Variants in PPP6R3 observed in about 807,000 individuals in gnomAD.
PPP6R3 encodes the protein serine/threonine-protein phosphatase 6 regulatory subunit 3.
In PPP6R3, 38 loss-of-function variants were observed where a neutral mutation model predicts 110.7. The observed-to-expected ratio is 0.34, with a 90% CI of 0.26 to 0.45. The LOEUF is 0.45. PPP6R3 is among the 20% of genes least tolerant of loss of function. The pLI, the probability that PPP6R3 is intolerant of heterozygous loss-of-function variation, is 1.00. For synonymous variants in PPP6R3, 369 were observed against 373.5 expected (o/e 0.99, Z 0.14); for missense variants, 870 against 1,062.4 (o/e 0.82, Z 2.52).
chr11:68,602,147 CT>C (rs1227392051), intron 21 of PPP6R3, among the ~76,000 whole-genome samples, 178 bp downstream of exon 21: 1 of 152,192 alleles, frequency 6.6e-6, no homozygotes, highest in Non-Finnish European at 1.5e-5. Flanking sequence ...CATGCTGACT[CT>C]GGAAAGAGTA....
chr11:68,542,389 G>GGTTTTTTTTTGTTTTTTTTTTTTTTT (rs1555132283), intron 3 of PPP6R3, among the ~76,000 whole-genome samples: 1 of 40,188 alleles, frequency 2.5e-5, no homozygotes, highest in African/African-American at 1.0e-4. Flanking sequence ...AGAAGCTGCT[G>GGTTTTTTTTTGTTTTTTTTTTTTTTT]TTTTTTTTTT....
chr11:68,573,239 C>T (rs972081614), intron 12 of PPP6R3, among the ~76,000 whole-genome samples: 2 of 148,254 alleles, frequency 1.3e-5, no homozygotes, highest in African/African-American at 5.0e-5. Context: ...CAGTCTCTGC[C>T]TACCGGGTTC....
intron 8 of PPP6R3, among the ~76,000 whole-genome samples, chr11:68,561,464 G>A (rs112814881): frequency 6.6e-6 from 1 of 152,118 alleles, no homozygotes; most frequent in Non-Finnish European, 1.5e-5. Context: ...ACAGAGGGCC[G>A]ACTGCAAGTA....
intron 14 of PPP6R3, among the ~76,000 whole-genome samples, chr11:68,581,902 C>G (rs2099556090): frequency 6.6e-6 from 1 of 152,192 alleles, no homozygotes; most frequent in Non-Finnish European, 1.5e-5. Context: ...GTTATCACAG[C>G]TTAATTTCAT....
intron 3 of PPP6R3, among the ~76,000 whole-genome samples, chr11:68,540,481 C>G (rs1333089421): frequency 6.6e-6 from 1 of 152,166 alleles, no homozygotes; most frequent in Non-Finnish European, 1.5e-5. Flanking sequence ...AGGGCGAGAT[C>G]ACAGGACCGG....
intron 1 of PPP6R3, among the ~76,000 whole-genome samples, chr11:68,469,452 C>A (rs1170634699): frequency 6.6e-6 from 1 of 152,020 alleles, no homozygotes; most frequent in East Asian, 1.9e-4. Context: ...TCACTGCAGC[C>A]TTGACTGACC....
chr11:68,482,151 C>T (rs188499556), intron 1 of PPP6R3, among the ~76,000 whole-genome samples: 65 of 147,460 alleles, frequency 4.4e-4, no homozygotes, highest in African/African-American at 1.5e-3. Context: ...TTTGGGAGGC[C>T]GAGGCAAGCA....
At chr11:68,562,385 T>C (rs1233764914) in intron 8 of PPP6R3, among the ~76,000 whole-genome samples, 2 of 152,188 alleles carry the variant, frequency 1.3e-5, no homozygotes, top group Non-Finnish European at 2.9e-5. Flanking sequence ...GACCTGCAGA[T>C]TCAATGCAAT....
chr11:68,506,127 T>TGCATTA (rs1256487490), intron 1 of PPP6R3, among the ~76,000 whole-genome samples: 8 of 148,934 alleles, frequency 5.4e-5, no homozygotes, highest in East Asian at 2.1e-4. Flanking sequence ...TGCCATTACT[T>TGCATTA]TTAATTGCAA....
At chr11:68,533,030 A>C (rs1355608003) in intron 2 of PPP6R3, among the ~76,000 whole-genome samples, 26 of 152,370 alleles carry the variant, frequency 1.7e-4, no homozygotes, top group Non-Finnish European at 8.8e-5. Flanking sequence ...ATGTTTACTA[A>C]AAACAAGTTG....
rs1311990332 is a variant in PPP6R3 at position 68,519,564 on chromosome 11, A to T, written c.-94A>T. 2.5e-6 allele frequency: 1 copy of T among 398,434 alleles called. No homozygotes were observed. Among genetic ancestry groups the T allele is most frequent in the African/African-American group, 2.1e-5 (1 of 48,598 alleles). The allele number at this position is 398,434 out of a possible 1,614,324, so 24.7% of individuals were successfully genotyped here. A position where few individuals can be genotyped will look rare whatever the true frequency, so the allele number is the denominator to read the frequency against. ...CTAATCTGCTAATGCAGTAAATTGG[A>T]GGAAAACTGTTACCAGGATAACCTG... On this transcript the variant is annotated 5_prime_UTR_variant, in exon 2 of 24. Coordinates refer to ENST00000393800, the MANE Select transcript of PPP6R3 (RefSeq NM_001164161.2).
intron 22 of PPP6R3, 93 bp downstream of exon 22, chr11:68,603,585 A>G (rs772837502): frequency 1.3e-5 from 19 of 1,454,492 alleles, no homozygotes; most frequent in South Asian, 1.2e-4. Flanking sequence ...ATTTGATTCA[A>G]ATGAATGTTC....
chr11:68,540,775 T>G (rs2099310773), intron 3 of PPP6R3, among the ~76,000 whole-genome samples: 2 of 152,196 alleles, frequency 1.3e-5, no homozygotes, highest in Non-Finnish European at 2.9e-5. Flanking sequence ...TTGAGCGATA[T>G]TTCTCCCATT....
intron 1 of PPP6R3, among the ~76,000 whole-genome samples, chr11:68,517,454 C>G (rs542369542): frequency 1.3e-5 from 2 of 152,228 alleles, no homozygotes; most frequent in South Asian, 4.1e-4. Flanking sequence ...ACATCCCCCA[C>G]TAAAAGGAAC....
chr11:68,489,709 C>CT (rs561481278), intron 1 of PPP6R3, among the ~76,000 whole-genome samples: 2,864 of 141,030 alleles, frequency 0.02, 50 homozygotes, highest in Middle Eastern at 0.036. Flanking sequence ...AAAGTCTGTG[C>CT]TTTTTTTTTT....
At chr11:68,581,945 G>A (rs549137822) in intron 14 of PPP6R3, among the ~76,000 whole-genome samples, 1 of 152,304 alleles carries the variant, frequency 6.6e-6, no homozygotes, top group African/African-American at 2.4e-5. Context: ...AGATGGTTGG[G>A]GAAAGGAAGG....
chr11:68,491,328 C>CTGTG (rs60972668), intron 1 of PPP6R3, among the ~76,000 whole-genome samples: 4,385 of 123,476 alleles, frequency 0.036, 69 homozygotes, highest in Non-Finnish European at 0.04. Context: ...GTGTCTTCAG[C>CTGTG]TGTGTGTGTG....
intron 2 of PPP6R3, among the ~76,000 whole-genome samples, chr11:68,528,416 G>C (rs139471908): frequency 2.1e-5 from 2 of 93,552 alleles, no homozygotes; most frequent in African/African-American, 8.3e-5. Flanking sequence ...CCTGATATTT[G>C]ATTTAATTTG....
chr11:68,466,133 G>A (rs1254266880), intron 1 of PPP6R3, among the ~76,000 whole-genome samples: 2 of 152,146 alleles, frequency 1.3e-5, no homozygotes, highest in Non-Finnish European at 2.9e-5. Flanking sequence ...AAGTGGGAGG[G>A]GGTGTTTCTC....
Sources: allele counts gnomAD v4.1 joint callset (sites outside exome capture counted in the v4.1 genomes callset), GRCh38; gene constraint gnomAD v4.1.1; transcripts MANE v1.5; gene names NCBI Gene and HGNC (gene_info 2026-07-23, HGNC 2026-07-21).